Variants in HIVEP2 observed in about 807,000 individuals in gnomAD.
The protein encoded by HIVEP2 is transcription factor HIVEP2.
In HIVEP2, 14 loss-of-function variants were observed where a neutral mutation model predicts 180.7. The ratio of observed to expected loss-of-function variants is 0.08; its 90% confidence interval spans 0.05 to 0.12. The LOEUF (loss-of-function observed/expected upper bound fraction) is 0.12, where lower values mean the gene tolerates loss of function less well. Among genes scored for constraint, HIVEP2 ranks in the 10% least tolerant of loss-of-function variants. The pLI, the probability that HIVEP2 is intolerant of heterozygous loss-of-function variation, is 1.00. For synonymous variants in HIVEP2, 1,184 were observed against 1,136.4 expected (o/e 1.04, Z -0.84); for missense variants, 2,579 against 3,008.5 (o/e 0.86, Z 3.34).
rs1774928718 is a variant in HIVEP2 at position 142,751,823 on chromosome 6, G to A, written c.*1284C>T. On this transcript the variant is annotated 3_prime_UTR_variant, in exon 10 of 10. Transcript: ENST00000367603. ...ACTCTTCCCCTATGAAAAAGGGTAA[G>A]GTGACCTCCCCTAACACAGATGTTA... 6.6e-6 allele frequency: 1 copy of A among 152,646 alleles called. No individual in the cohort carries two copies. The highest frequency in any genetic ancestry group is 1.5e-5 in the Non-Finnish European group (1 of 68,042). 9.5% of individuals were successfully genotyped at this position (152,646 alleles called of 1,614,324 possible).
rs180950094 is a variant in HIVEP2 at position 142,833,539 on chromosome 6, T to C, written c.-528+3396A>G. Among the ~76,000 whole-genome samples, 13 of 152,278 alleles carry C rather than the reference T, an allele frequency of 8.5e-5. No individual in the cohort carries two copies. The East Asian group carries it at 1.4e-3, about 16-fold the overall frequency. On this transcript the variant is annotated intron_variant, in intron 2 of 9. Coordinates refer to ENST00000367603, the MANE Select transcript of HIVEP2 (RefSeq NM_006734.4). ...GCTGCAGCATGCTTGTGGAACAAAATGGGATTTGCTCATACTACTGGTTTA... is the reference window on the plus strand; with the variant it reads ...GCTGCAGCATGCTTGTGGAACAAAACGGGATTTGCTCATACTACTGGTTTA...
intron 1 of HIVEP2, among the ~76,000 whole-genome samples, chr6:142,838,100 A>T (rs1034985983): frequency 3.3e-5 from 5 of 152,130 alleles, no homozygotes; most frequent in African/African-American, 4.8e-5. Flanking sequence ...AAAGGTTGAA[A>T]CAGATGTTAT....
At chr6:142,888,974 T>C (rs150003558) in intron 1 of HIVEP2, among the ~76,000 whole-genome samples, 51 of 152,368 alleles carry the variant, frequency 3.3e-4, no homozygotes, top group Middle Eastern at 3.4e-3. Context: ...CAATGGCTCC[T>C]AGTTGTATCA....
At chr6:142,794,750 C>A (rs542770746) in intron 2 of HIVEP2, among the ~76,000 whole-genome samples, 109 of 152,240 alleles carry the variant, frequency 7.2e-4, no homozygotes, top group African/African-American at 2.4e-3. Flanking sequence ...TGTACTGAAG[C>A]GGGTGGATGA....
chr6:142,937,822 A>G (rs575878687), intron 1 of HIVEP2, among the ~76,000 whole-genome samples: 8 of 152,358 alleles, frequency 5.3e-5, no homozygotes, highest in Admixed American at 1.3e-4. Flanking sequence ...ATACACATCA[A>G]GATAAAAAAC....
At position 142,943,988 on chromosome 6, in the gene HIVEP2, C is replaced by A. The variant is rs773482175; in HGVS notation, c.-641+1111G>T. Among the ~76,000 whole-genome samples the A allele has an allele frequency of 6.6e-6, 1 of 152,200 alleles. No homozygotes were observed. The highest frequency in any genetic ancestry group is 2.1e-4 in the South Asian group (1 of 4,836). On this transcript the variant is annotated intron_variant, in intron 1 of 9. Coordinates refer to ENST00000367603, the MANE Select transcript of HIVEP2 (RefSeq NM_006734.4). The surrounding 1 kb of genome is among the most constrained non-coding windows in gnomAD (Gnocchi z 4.5). ...AAGGACCCTCTCTCTTCTCCGCACT[C>A]CCGAGGTTAAAGTGCCCCCGTTCCC... is the stretch of plus-strand genomic sequence containing the variant.
At chr6:142,921,903 T>G (rs2128434697) in intron 1 of HIVEP2, among the ~76,000 whole-genome samples, 1 of 152,342 alleles carries the variant, frequency 6.6e-6, no homozygotes, top group East Asian at 1.9e-4. Flanking sequence ...CAGATCAAAC[T>G]ACATGCTGGC....
At chr6:142,791,457 G>T (rs542024126) in intron 2 of HIVEP2, among the ~76,000 whole-genome samples, 4 of 152,230 alleles carry the variant, frequency 2.6e-5, no homozygotes, top group African/African-American at 9.6e-5. Context: ...ACTGTGAATG[G>T]CATTCATACT....
intron 2 of HIVEP2, among the ~76,000 whole-genome samples, chr6:142,834,926 T>C (rs1443198007): frequency 6.6e-6 from 1 of 152,168 alleles, no homozygotes; most frequent in Non-Finnish European, 1.5e-5. Flanking sequence ...TCCATATGCA[T>C]CACGAAAATG....
At chr6:142,824,072 A>G (rs1777113835) in intron 2 of HIVEP2, among the ~76,000 whole-genome samples, 1 of 152,186 alleles carries the variant, frequency 6.6e-6, no homozygotes, top group South Asian at 2.1e-4. Flanking sequence ...TATTTTGTAT[A>G]TGTTGAATAC....
At position 142,770,962 on chromosome 6, in the gene HIVEP2, A is replaced by C; in HGVS notation, c.3777T>G (p.His1259Gln). The C allele has an allele frequency of 6.2e-7, 1 of 1,614,224 alleles. No individual in the cohort carries two copies. The highest frequency in any genetic ancestry group is 8.5e-7 in the Non-Finnish European group (1 of 1,180,036). ...GTTTCTTTCCAGTGTGCTCTGCCAC[A>C]TGCTCTAAGGGATAGCTCGAATGGA... is the stretch of plus-strand genomic sequence containing the variant. ...TEIHSSYPLE[H>Q]VAEHTGKKPA... The change falls in exon 5 of 10, where the codon CAT (histidine) becomes CAG (glutamine). Residue 1259 changes from histidine to glutamine, a missense_variant. Physicochemically the swap from His to Gln is conservative, Grantham distance 24. Transcript: ENST00000367603. The surrounding 1 kb of genome is among the most constrained non-coding windows in gnomAD (Gnocchi z 4.7).
intron 1 of HIVEP2, among the ~76,000 whole-genome samples, chr6:142,860,419 G>T (rs1446386376): frequency 6.6e-6 from 1 of 152,186 alleles, no homozygotes; most frequent in East Asian, 1.9e-4. Context: ...CAGGCAGGGG[G>T]TTGGGAAGAC....
chr6:142,774,200 T>G lies in HIVEP2; in HGVS notation c.539A>C (p.Glu180Ala), dbSNP rs753630651. ...CTTGCCAGGCTTTTTGGGTTTGTGC[T>G]CTTTCTTGTGAGCCTCTTCTGCCTG... ...IEQAEEAHKK[E>A]HKPKKPGKYI... is the part of the protein sequence containing the mutation. The change falls in exon 5 of 10, where the codon GAG becomes GCG. Residue 180 changes from glutamate (E) to alanine (A), a missense_variant. Glu to Ala is a moderately radical substitution (Grantham distance 107). This residue lies in a region of HIVEP2 where 26 missense variants were observed against 76.9 expected (regional missense o/e 0.34). Transcript: ENST00000367603. The surrounding 1 kb of genome is among the most constrained non-coding windows in gnomAD (Gnocchi z 5.1). 6.2e-7 allele frequency: 1 copy of G among 1,614,050 alleles called. No homozygotes were observed. The highest frequency in any genetic ancestry group is 1.3e-5 in the African/African-American group (1 of 74,950).
At chr6:142,869,151 G>A (rs1173011454) in intron 1 of HIVEP2, among the ~76,000 whole-genome samples, 1 of 152,174 alleles carries the variant, frequency 6.6e-6, no homozygotes, top group Admixed American at 6.5e-5. Flanking sequence ...ATTCTACATT[G>A]CACATGACAG....
chr6:142,818,623 T>C (rs1260719775), intron 2 of HIVEP2, among the ~76,000 whole-genome samples: 2 of 146,050 alleles, frequency 1.4e-5, no homozygotes, highest in African/African-American at 2.5e-5. Context: ...GAGTCAAGAT[T>C]GCACAACTGC....
At chr6:142,941,691 C>A (rs1193738987) in intron 1 of HIVEP2, among the ~76,000 whole-genome samples, 16 of 152,142 alleles carry the variant, frequency 1.1e-4, no homozygotes, top group Admixed American at 9.2e-4. Context: ...ACCTTAATTT[C>A]ATTAAGTTGA....
intron 1 of HIVEP2, among the ~76,000 whole-genome samples, chr6:142,860,210 TAAG>T (rs1217080255): frequency 6.6e-6 from 1 of 152,206 alleles, no homozygotes; most frequent in Non-Finnish European, 1.5e-5. Flanking sequence ...CCATTCATGT[TAAG>T]AAGAACCCAG....
chr6:142,767,024 G>A (rs1156265317), intron 6 of HIVEP2, among the ~76,000 whole-genome samples: 2 of 152,166 alleles, frequency 1.3e-5, no homozygotes, highest in East Asian at 1.9e-4. Context: ...ATTAAAGGAG[G>A]AGGAAATGAA....
intron 1 of HIVEP2, among the ~76,000 whole-genome samples, chr6:142,915,245 T>G (rs1266683690): frequency 6.6e-6 from 1 of 152,182 alleles, no homozygotes; most frequent in African/African-American, 2.4e-5. Flanking sequence ...AATGCAGCCT[T>G]GTTTGGAAAT....
Sources: gnomAD v4.1 joint callset for allele counts (sites outside exome capture counted in the v4.1 genomes callset) on GRCh38, gnomAD v4.1.1 for gene constraint, gnomAD v4.1.1 regional missense constraint, Gnocchi (gnomAD v3.1) non-coding constraint, MANE v1.5 for transcripts, NCBI Gene and HGNC (gene_info 2026-07-23, HGNC 2026-07-21) for gene names.